RANBP2: variants seen among roughly 807,000 people sequenced by gnomAD.
The protein encoded by RANBP2 is RAN binding protein 2, also known as E3 SUMO-protein ligase RanBP2.
Under a neutral mutation model 303.6 loss-of-function variants are expected in RANBP2, and 57 were observed. The observed-to-expected ratio is 0.19, with a 90% confidence interval of 0.15 to 0.23. RANBP2 has a LOEUF of 0.23. Among genes scored for constraint, RANBP2 ranks in the 10% least tolerant of loss-of-function variants. RANBP2 has a pLI of 1.00. For synonymous variants in RANBP2, 1,167 were observed against 1,301.5 expected (o/e 0.90, Z 2.23); for missense variants, 3,138 against 3,780.8 (o/e 0.83, Z 4.46).
chr2:109,641,951 G>T, the RANBP2 span, among the ~76,000 whole-genome samples: 1 of 152,112 alleles, frequency 6.6e-6, no homozygotes. Context: ...GATTACAGGC[G>T]CCTGCCACCA....
the RANBP2 span, among the ~76,000 whole-genome samples, chr2:109,241,625 C>G: frequency 1.3e-5 from 2 of 152,112 alleles, no homozygotes; most frequent in African/African-American, 4.8e-5. Context: ...GCTGGGAGGG[C>G]CCCTGGGACT....
At chr2:109,513,481 ACAC>A in the RANBP2 span, among the ~76,000 whole-genome samples, 45 of 129,598 alleles carry the variant, frequency 3.5e-4, no homozygotes, top group African/African-American at 5.1e-4. Flanking sequence ...ACATGTACAC[ACAC>A]CACATGTACA....
chr2:108,909,004 G>T, the RANBP2 span, among the ~76,000 whole-genome samples: 1 of 152,158 alleles, frequency 6.6e-6, no homozygotes, highest in Admixed American at 6.5e-5. Context: ...AGCAGGTGAG[G>T]TGGCACCCCA....
chr2:108,816,095 A>C, the RANBP2 span: 1 of 1,608,410 alleles, frequency 6.2e-7, no homozygotes, highest in Non-Finnish European at 8.5e-7. Flanking sequence ...ATTCAGGAGA[A>C]GTGTGTAAAG....
chr2:109,386,979 A>G, the RANBP2 span, among the ~76,000 whole-genome samples: 1 of 152,236 alleles, frequency 6.6e-6, no homozygotes, highest in African/African-American at 2.4e-5. Context: ...TTTTCTGATT[A>G]TAAAAATAAT....
At chr2:109,202,644 G>A in the RANBP2 span, among the ~76,000 whole-genome samples, 1 of 152,092 alleles carries the variant, frequency 6.6e-6, no homozygotes, top group African/African-American at 2.4e-5. Context: ...CAGGAACCTG[G>A]GTCCTGGGAA....
the RANBP2 span, among the ~76,000 whole-genome samples, chr2:109,392,625 TCTC>T: frequency 6.6e-6 from 1 of 151,966 alleles, no homozygotes; most frequent in Non-Finnish European, 1.5e-5. Context: ...CGCCAGCCGT[TCTC>T]CTGCCTCAGC....
chr2:109,742,837 A>C, the RANBP2 span, among the ~76,000 whole-genome samples: 2 of 148,796 alleles, frequency 1.3e-5, no homozygotes, highest in Non-Finnish European at 1.5e-5. Flanking sequence ...GTATTAGCAG[A>C]AGATTAAATG....
the RANBP2 span, chr2:109,619,031 T>G: frequency 6.0e-6 from 1 of 167,098 alleles, no homozygotes; most frequent in African/African-American, 2.4e-5. Flanking sequence ...TCCTTTAGAC[T>G]TTTTACATAT....
the RANBP2 span, among the ~76,000 whole-genome samples, chr2:109,175,205 T>A: frequency 6.6e-6 from 1 of 152,154 alleles, no homozygotes; most frequent in East Asian, 1.9e-4. Context: ...AGTGGTGACG[T>A]CAGTTTGGTG....
chr2:109,587,682 G>C, the RANBP2 span, among the ~76,000 whole-genome samples: 4 of 152,130 alleles, frequency 2.6e-5, no homozygotes, highest in African/African-American at 9.7e-5. Flanking sequence ...GGGAGGCCGA[G>C]GCGGGTGGAT....
the RANBP2 span, among the ~76,000 whole-genome samples, chr2:109,405,770 C>T: frequency 6.6e-6 from 1 of 152,220 alleles, no homozygotes; most frequent in African/African-American, 2.4e-5. Flanking sequence ...CCAGTGTGCC[C>T]ATGATGGAAT....
the RANBP2 span, among the ~76,000 whole-genome samples, chr2:109,716,616 T>G: frequency 2.6e-5 from 4 of 152,110 alleles, no homozygotes; most frequent in Non-Finnish European, 1.5e-5. Context: ...GTGCAATTTC[T>G]GCTTACTGCA....
chr2:109,236,478 C>A, the RANBP2 span, among the ~76,000 whole-genome samples: 1 of 152,124 alleles, frequency 6.6e-6, no homozygotes, highest in Non-Finnish European at 1.5e-5. Flanking sequence ...TTTTAGGAAT[C>A]AGAAAAGGTG....
At chr2:109,054,995 T>C in the RANBP2 span, among the ~76,000 whole-genome samples, 13 of 152,344 alleles carry the variant, frequency 8.5e-5, 1 homozygote, top group African/African-American at 3.1e-4. Context: ...TGATTTTTTT[T>C]TCTGTTCATC....
the RANBP2 span, chr2:108,839,010 T>C: frequency 1.8e-5 from 4 of 225,052 alleles, 1 homozygote; most frequent in Non-Finnish European, 3.0e-5. Context: ...ATATAAGAAC[T>C]AAAATACATA....
rs200039416 is a variant in RANBP2, at chr2:108,719,654, G to C, written c.48G>C (p.Gln16His). Residue 16 changes from glutamine (Q) to histidine (H), a missense_variant, in exon 1 of 29, where the codon CAG becomes CAC. By Grantham distance (24) the Gln-to-His change is conservative. Around this residue, in one of 20 missense-constraint regions of RANBP2, gnomAD observed 306 missense variants for 381.9 expected, o/e 0.80. Coordinates refer to ENST00000283195, the MANE Select transcript of RANBP2 (RefSeq NM_006267.5). ...ADVERYIASV[Q>H]GSTPSPRQKS... ...TGGAGCGGTACATCGCCTCGGTGCA[G>C]GGCTCCACCCCGTCGCCTCGACAGG... 1.4e-5 allele frequency: 23 copies of C among 1,607,394 alleles called. No individual in the cohort carries two copies. The highest frequency in any genetic ancestry group is 1.8e-5 in the Non-Finnish European group (21 of 1,178,040).
At chr2:109,276,857 A>G in the RANBP2 span, among the ~76,000 whole-genome samples, 1 of 152,208 alleles carries the variant, frequency 6.6e-6, no homozygotes, top group African/African-American at 2.4e-5. Flanking sequence ...TAAGCAAGAT[A>G]AAATAATCTA....
At position 108,765,319 on chromosome 2, in the gene RANBP2, G is replaced by T; in HGVS notation, c.4780G>T (p.Ala1594Ser). ...GTTTGGTACTTCAGAGACAAGCAAGGCTCCAAAGAGCGGATTTGAGGGAAT... is the reference window on the plus strand; with the variant it reads ...GTTTGGTACTTCAGAGACAAGCAAGTCTCCAAAGAGCGGATTTGAGGGAAT... ...FKFGTSETSK[A>S]PKSGFEGMFT... The change falls in exon 20 of 29, where the codon GCT becomes TCT. Residue 1594 changes from alanine (A) to serine (S), a missense_variant. Physicochemically the swap from Ala to Ser is moderately conservative, Grantham distance 99 (BLOSUM62 1). Around this residue, in one of 20 missense-constraint regions of RANBP2, gnomAD observed 28 missense variants for 43.2 expected, o/e 0.65. Transcript: ENST00000283195. 6.2e-7 allele frequency: 1 copy of T among 1,613,950 alleles called. No homozygotes were observed. Among genetic ancestry groups the T allele is most frequent in the South Asian group, 1.1e-5 (1 of 91,074 alleles).
Sources: gnomAD v4.1 joint callset for allele counts (sites outside exome capture counted in the v4.1 genomes callset) on GRCh38, gnomAD v4.1.1 for gene constraint, gnomAD v4.1.1 regional missense constraint, MANE v1.5 for transcripts, NCBI Gene and HGNC (gene_info 2026-07-23, HGNC 2026-07-21) for gene names.